CKAP5: variants seen among roughly 807,000 people sequenced by gnomAD.
The protein encoded by CKAP5 is cytoskeleton-associated protein 5.
A neutral mutation model predicts 232.8 loss-of-function variants in CKAP5; 27 were observed. The ratio of observed to expected loss-of-function variants is 0.12; its 90% CI spans 0.09 to 0.16. CKAP5 has a LOEUF of 0.16. Among genes scored for constraint, CKAP5 ranks in the 10% least tolerant of loss-of-function variants. The probability of loss-of-function intolerance (pLI) is 1.00; values close to 1 mark genes in which losing one functional copy is unlikely to be tolerated. For synonymous variants in CKAP5, 785 were observed against 841.1 expected (o/e 0.93, Z 1.16); for missense variants, 1,838 against 2,424.7 (o/e 0.76, Z 5.08).
intron 1 of CKAP5, among the ~76,000 whole-genome samples, chr11:46,826,125 G>C (rs1939645944): frequency 6.6e-6 from 1 of 152,172 alleles, no homozygotes; most frequent in African/African-American, 2.4e-5. Flanking sequence ...CTAATCTTGG[G>C]ACAGTGGCGT....
chr11:46,836,299 T>C (rs180672062), intron 1 of CKAP5, among the ~76,000 whole-genome samples: 1 of 152,240 alleles, frequency 6.6e-6, no homozygotes, highest in Non-Finnish European at 1.5e-5. Flanking sequence ...TTTGCAACTT[T>C]TCTGTTGGAA....
chr11:46,744,391 C>T, intron 43 of CKAP5, 35 bp downstream of exon 43: 8 of 1,613,796 alleles, frequency 5.0e-6, no homozygotes, highest in Non-Finnish European at 6.8e-6. Flanking sequence ...TTGTGACTAC[C>T]CTCCCTGAAC....
At chr11:46,789,715 G>A (rs1196968561) in intron 15 of CKAP5, among the ~76,000 whole-genome samples, 1 of 152,086 alleles carries the variant, frequency 6.6e-6, no homozygotes, top group South Asian at 2.1e-4. Context: ...AGAATGGCGT[G>A]AACCCAGCAG....
rs758800492 is a variant in CKAP5 at position 46,818,315 on chromosome 11, T to C, written c.246A>G (p.Ala82=). ...ALVYVENAHV[A]GKTTGEVVSG... ...GTTGGAAAGAAAGTACTTACTTTCC[T>C]GCTACATGGGCATTTTCAACATAAA... The change falls in exon 3 of 44, where the codon GCA becomes GCG. Residue 82 remains alanine, a synonymous_variant. Transcript: ENST00000529230. 1.9e-6 allele frequency: 3 copies of C among 1,580,692 alleles called. No homozygotes were observed. Among genetic ancestry groups the C allele is most frequent in the African/African-American group, 1.4e-5 (1 of 72,834 alleles).
intron 12 of CKAP5, 87 bp from the exon 13 acceptor site, chr11:46,795,863 C>A: frequency 8.6e-7 from 1 of 1,162,782 alleles, no homozygotes; most frequent in Non-Finnish European, 1.2e-6. Flanking sequence ...CACAACTACA[C>A]ATAAGAATTC....
intron 1 of CKAP5, among the ~76,000 whole-genome samples, chr11:46,823,706 C>T (rs1343211972): frequency 3.3e-5 from 5 of 152,116 alleles, no homozygotes; most frequent in African/African-American, 9.7e-5. Context: ...TCCCAACCTC[C>T]GCCTCCCGGG....
chr11:46,784,710 C>T lies in CKAP5; in HGVS notation c.1969-37G>A, dbSNP rs2065375853. 7 of 1,503,428 alleles carry T rather than the reference C, an allele frequency of 4.7e-6. No homozygotes were observed. The East Asian group carries it at 1.6e-4, about 34-fold the overall frequency. The allele number at this position is 1,503,428 out of a possible 1,614,324, so 93.1% of individuals were successfully genotyped here. A position where few individuals can be genotyped will look rare whatever the true frequency, so the allele number is the denominator to read the frequency against. ...TCAGTATCATAAAGCTAAGAGCAAG[C>T]CAAGGACATTTATTTATTTACTTGT... On this transcript the variant is annotated intron_variant, in intron 16 of 43. Transcript: ENST00000529230.
At chr11:46,773,413 T>C (rs963321245) in intron 24 of CKAP5, among the ~76,000 whole-genome samples, 3 of 152,048 alleles carry the variant, frequency 2.0e-5, no homozygotes, top group Non-Finnish European at 4.4e-5. Flanking sequence ...CATGCCCAGC[T>C]AATTTTTCTA....
intron 8 of CKAP5, among the ~76,000 whole-genome samples, chr11:46,801,706 T>C (rs1444926140): frequency 1.3e-5 from 2 of 152,084 alleles, no homozygotes; most frequent in East Asian, 3.9e-4. Context: ...CTTATGCTAA[T>C]ATATGACCAA....
intron 42 of CKAP5, among the ~76,000 whole-genome samples, chr11:46,749,152 G>A (rs1163253341): frequency 6.6e-6 from 1 of 151,658 alleles, no homozygotes; most frequent in African/African-American, 2.4e-5. Context: ...TTGACATGTA[G>A]AGTTTACAAT....
chr11:46,794,826 A>G (rs1211741778), intron 13 of CKAP5, among the ~76,000 whole-genome samples: 1 of 152,194 alleles, frequency 6.6e-6, no homozygotes, highest in African/African-American at 2.4e-5. Context: ...ACAGAGCAAG[A>G]CCTTGTCTCT....
intron 1 of CKAP5, among the ~76,000 whole-genome samples, chr11:46,836,313 T>C (rs911944992): frequency 3.9e-5 from 6 of 152,220 alleles, no homozygotes; most frequent in African/African-American, 1.2e-4. Flanking sequence ...GTTGGAACAA[T>C]CTATAATTAT....
intron 1 of CKAP5, among the ~76,000 whole-genome samples, chr11:46,824,247 T>C (rs1939604758): frequency 6.6e-6 from 1 of 152,164 alleles, no homozygotes; most frequent in South Asian, 2.1e-4. Context: ...TTCATTAAGA[T>C]TTTTCTTCAA....
intron 20 of CKAP5, 73 bp from the exon 21 acceptor site, chr11:46,778,672 C>T: frequency 1.6e-6 from 2 of 1,280,500 alleles, no homozygotes; most frequent in Non-Finnish European, 2.2e-6. Flanking sequence ...AGAGAGGGTG[C>T]CTGTGTCAAA....
intron 35 of CKAP5, among the ~76,000 whole-genome samples, chr11:46,757,478 G>A (rs1413768104): frequency 6.6e-6 from 1 of 151,746 alleles, no homozygotes; most frequent in East Asian, 1.9e-4. Context: ...TGGCAACGGC[G>A]AGACTCCATC....
intron 1 of CKAP5, among the ~76,000 whole-genome samples, chr11:46,834,416 G>A (rs2134713348): frequency 6.7e-6 from 1 of 149,670 alleles, no homozygotes; most frequent in East Asian, 2.0e-4. Flanking sequence ...CTACTGAGAA[G>A]ACTGAGGCAG....
chr11:46,838,551 C>G (rs1792099764), intron 1 of CKAP5, among the ~76,000 whole-genome samples: 1 of 138,452 alleles, frequency 7.2e-6, no homozygotes, highest in South Asian at 2.2e-4. Context: ...GAGGCCGAGG[C>G]AGGCAGATCA....
chr11:46,769,784 C>A (rs937318787), intron 26 of CKAP5, among the ~76,000 whole-genome samples, 179 bp downstream of exon 26: 1 of 152,098 alleles, frequency 6.6e-6, no homozygotes, highest in African/African-American at 2.4e-5. Flanking sequence ...CAGTTCCTGG[C>A]ATAAAATAGG....
intron 25 of CKAP5, 165 bp from the exon 26 acceptor site, chr11:46,770,263 T>TG (rs2065236434): frequency 7.3e-6 from 5 of 683,302 alleles, no homozygotes; most frequent in Non-Finnish European, 1.3e-5. Flanking sequence ...ACACACATTA[T>TG]GAAGTCACAC....
Sources: gnomAD v4.1 joint callset for allele counts (sites outside exome capture counted in the v4.1 genomes callset) on GRCh38, gnomAD v4.1.1 for gene constraint, MANE v1.5 for transcripts, NCBI Gene and HGNC (gene_info 2026-07-23, HGNC 2026-07-21) for gene names.